NFIC: variants seen among roughly 807,000 people sequenced by gnomAD.
NFIC encodes nuclear factor 1 C-type.
In NFIC, 12 loss-of-function variants were observed where a neutral mutation model predicts 54.4. The ratio of observed to expected loss-of-function variants is 0.22; its 90% CI spans 0.14 to 0.36. The LOEUF (loss-of-function observed/expected upper bound fraction) is 0.36. Among genes scored for constraint, NFIC ranks in the 10% least tolerant of loss-of-function variants. NFIC has a pLI of 1.00. For missense variants in NFIC, 575 were observed against 718.2 expected, an observed-to-expected ratio of 0.80 and a Z score of 2.28; for synonymous variants, 322 against 319.2, an observed-to-expected ratio of 1.01 and a Z score of -0.09.
chr19:3,406,632 C>T (rs752787844), intron 2 of NFIC, among the ~76,000 whole-genome samples: 1 of 152,156 alleles, frequency 6.6e-6, no homozygotes, highest in African/African-American at 2.4e-5. Flanking sequence ...CAGTTTTCTC[C>T]TGAGGCTGGG....
At chr19:3,374,859 G>A (rs930131441) in intron 1 of NFIC, among the ~76,000 whole-genome samples, 6 of 152,160 alleles carry the variant, frequency 3.9e-5, no homozygotes, top group Non-Finnish European at 8.8e-5. Context: ...CTGATCCCCT[G>A]GGGAGGACAA....
chr19:3,445,607 G>C (rs552953437), intron 6 of NFIC, among the ~76,000 whole-genome samples: 1 of 152,210 alleles, frequency 6.6e-6, no homozygotes, highest in Non-Finnish European at 1.5e-5. Context: ...CATGGTGTGT[G>C]CAGGGCCATG....
At chr19:3,377,967 G>A (rs1355065922) in intron 1 of NFIC, among the ~76,000 whole-genome samples, 1 of 151,908 alleles carries the variant, frequency 6.6e-6, no homozygotes. Flanking sequence ...TTTGCCTGCC[G>A]GCCACAGTGG....
chr19:3,363,063 TG>T (rs946038268), upstream of NFIC, among the ~76,000 whole-genome samples: 7 of 152,144 alleles, frequency 4.6e-5, no homozygotes, highest in African/African-American at 1.7e-4. Context: ...CCCCCATTCC[TG>T]GGTGGAACCC....
chr19:3,363,243 A>ATG (rs2080835932), upstream of NFIC, among the ~76,000 whole-genome samples: 1 of 67,208 alleles, frequency 1.5e-5, no homozygotes, highest in Non-Finnish European at 2.9e-5. Context: ...ATGTGTGTGT[A>ATG]TATATATATA....
intron 6 of NFIC, among the ~76,000 whole-genome samples, chr19:3,440,486 C>CA (rs1229495010): frequency 6.6e-6 from 1 of 150,846 alleles, no homozygotes; most frequent in Non-Finnish European, 1.5e-5. Context: ...GGCTGGGGTG[C>CA]AATGCGCGAT....
chr19:3,423,335 A>G (rs956637405), intron 2 of NFIC, among the ~76,000 whole-genome samples: 4 of 152,168 alleles, frequency 2.6e-5, no homozygotes, highest in Admixed American at 2.0e-4. Flanking sequence ...AGGCCTGGGC[A>G]GTGTTTGTGC....
Position 3,369,119 on chromosome 19 carries a change from C to G in NFIC, c.30+2453C>G, listed in dbSNP as rs1232785531. ...CTCACCATCCCTTTCTCCTCTTTGTCTCTGCATGTCTCTTTGATGTGTCTC... is the reference window on the plus strand; with the variant it reads ...CTCACCATCCCTTTCTCCTCTTTGTGTCTGCATGTCTCTTTGATGTGTCTC... On this transcript the variant is annotated intron_variant, in intron 1 of 10. Transcript: ENST00000443272. The surrounding 1 kb of genome is among the most constrained non-coding windows in gnomAD (Gnocchi z 4.3). Among the ~76,000 whole-genome samples, 2 of 151,860 alleles carry G rather than the reference C, an allele frequency of 1.3e-5. No homozygotes were observed. Among genetic ancestry groups the G allele is most frequent in the African/African-American group, 4.8e-5 (2 of 41,322 alleles).
Position 3,458,633 on chromosome 19 carries a change from G to T in NFIC, c.1509+1998G>T, listed in dbSNP as rs1177165154. Reference sequence around the variant, plus strand: ...GACCAGGGCTGGCAGAATGGGGTGTGGGGGGGCACTGGCAAGGGGCTCAGC... The same window carrying T: ...GACCAGGGCTGGCAGAATGGGGTGTTGGGGGGCACTGGCAAGGGGCTCAGC... On this transcript the variant is annotated intron_variant, in intron 10 of 10. Coordinates refer to ENST00000443272, the MANE Select transcript of NFIC (RefSeq NM_001245002.2). The surrounding 1 kb of genome is among the most constrained non-coding windows in gnomAD (Gnocchi z 4.1). Among the ~76,000 whole-genome samples the T allele has an allele frequency of 6.6e-6, 1 of 151,932 alleles. No individual in the cohort carries two copies. The highest frequency in any genetic ancestry group is 1.5e-5 in the Non-Finnish European group (1 of 67,958).
At chr19:3,389,692 C>T (rs2081349351) in intron 2 of NFIC, among the ~76,000 whole-genome samples, 1 of 152,136 alleles carries the variant, frequency 6.6e-6, no homozygotes, top group Non-Finnish European at 1.5e-5. Context: ...TCAATAAATG[C>T]TCACTTCCGG....
At chr19:3,360,696 G>T (rs1246834819) in intron 1 of NFIC, among the ~76,000 whole-genome samples, 1 of 152,248 alleles carries the variant, frequency 6.6e-6, no homozygotes, top group Admixed American at 6.5e-5. Context: ...TTGTGCGGCT[G>T]CGGGACACTT....
At chr19:3,363,872 G>A (rs934356819), upstream of NFIC, among the ~76,000 whole-genome samples, 2 of 152,242 alleles carry the variant, frequency 1.3e-5, no homozygotes, top group South Asian at 4.1e-4. Flanking sequence ...CCCAGAGAGC[G>A]ATCCAGCCCC....
At chr19:3,404,512 G>A (rs933186885) in intron 2 of NFIC, among the ~76,000 whole-genome samples, 2 of 152,070 alleles carry the variant, frequency 1.3e-5, no homozygotes, top group Non-Finnish European at 2.9e-5. Flanking sequence ...ACCCCTCAGA[G>A]GCTGCAGAGG....
chr19:3,395,121 A>G (rs1263028630), intron 2 of NFIC, among the ~76,000 whole-genome samples: 1 of 152,024 alleles, frequency 6.6e-6, no homozygotes, highest in Admixed American at 6.6e-5. Flanking sequence ...CACTTTGGGA[A>G]GCCGAGACGG....
chr19:3,416,216 A>G (rs1180956104), intron 2 of NFIC, among the ~76,000 whole-genome samples: 1 of 150,804 alleles, frequency 6.6e-6, no homozygotes, highest in Non-Finnish European at 1.5e-5. Context: ...GAGCCCTTTT[A>G]AACATTTTTT....
intron 1 of NFIC, among the ~76,000 whole-genome samples, chr19:3,372,996 C>T (rs1445743657): frequency 5.3e-5 from 8 of 152,100 alleles, no homozygotes; most frequent in Non-Finnish European, 1.2e-4. Context: ...AGGTGTGTGT[C>T]ACCGCACCTG....
intron 5 of NFIC, 119 bp from the exon 6 acceptor site, chr19:3,434,964 C>G (rs530947717): frequency 3.7e-6 from 5 of 1,334,634 alleles, no homozygotes; most frequent in East Asian, 2.7e-5. Flanking sequence ...CGCGATGTCT[C>G]GCGATACTAC....
At chr19:3,435,497 G>A (rs2145634016) in intron 6 of NFIC, among the ~76,000 whole-genome samples, 1 of 152,340 alleles carries the variant, frequency 6.6e-6, no homozygotes, top group Non-Finnish European at 1.5e-5. Context: ...GGGTCCCCGA[G>A]CTGCAGGATG....
chr19:3,459,688 G>T lies in NFIC; in HGVS notation c.1509+3053G>T, dbSNP rs946287355. 6.6e-6 allele frequency among the ~76,000 whole-genome samples: 1 copy of T among 152,252 alleles called. No individual in the cohort carries two copies. The highest frequency in any genetic ancestry group is 1.5e-5 in the Non-Finnish European group (1 of 68,042). On this transcript the variant is annotated intron_variant, in intron 10 of 10. Coordinates refer to ENST00000443272, the MANE Select transcript of NFIC (RefSeq NM_001245002.2). This position sits in a 1 kb window ranked among gnomAD's most constrained non-coding sequence, Gnocchi z 4.2. Reference sequence around the variant, plus strand: ...GGGGAGGGAAGGGAGGAGGGAGGAAGGGCTGAGGGGAGGCTGGTCCACCAC... The same window carrying T: ...GGGGAGGGAAGGGAGGAGGGAGGAATGGCTGAGGGGAGGCTGGTCCACCAC...
Sources: allele counts gnomAD v4.1 joint callset (sites outside exome capture counted in the v4.1 genomes callset), GRCh38; gene constraint gnomAD v4.1.1; non-coding constraint Gnocchi (gnomAD v3.1); transcripts MANE v1.5; gene names NCBI Gene and HGNC (gene_info 2026-07-23, HGNC 2026-07-21).